The following EXD3 variants were observed in gnomAD, a reference collection of about 807,000 sequenced individuals.
EXD3 encodes exonuclease 3'-5' domain containing 3.
A neutral mutation model predicts 98.0 loss-of-function variants in EXD3; 92 were observed. The ratio of observed to expected loss-of-function variants is 0.94; its 90% CI spans 0.79 to 1.12. The LOEUF (loss-of-function observed/expected upper bound fraction) is 1.12, where lower values mean the gene tolerates loss of function less well. Among genes scored for constraint, EXD3 ranks in the 50% most tolerant of loss-of-function variants. The pLI is 0.00. For missense variants in EXD3, 1,222 were observed against 1,191.6 expected (o/e 1.03, Z -0.38); for synonymous variants, 569 against 526.0 (o/e 1.08, Z -1.12).
intron 1 of EXD3, among the ~76,000 whole-genome samples, chr9:137,416,251 A>T (rs1838223247): frequency 6.6e-6 from 1 of 152,100 alleles, no homozygotes; most frequent in Non-Finnish European, 1.5e-5. Flanking sequence ...CACCAGGGGG[A>T]GGGCACTGCA....
chr9:137,400,722 G>A (rs543719940), intron 1 of EXD3, among the ~76,000 whole-genome samples: 97 of 151,084 alleles, frequency 6.4e-4, no homozygotes, highest in East Asian at 2.3e-3. Context: ...CCGAGATCGC[G>A]CCATTGCACT....
intron 5 of EXD3, 63 bp from the exon 6 acceptor site, chr9:137,368,052 G>A: frequency 1.4e-6 from 2 of 1,400,144 alleles, no homozygotes; most frequent in Non-Finnish European, 2.0e-6. Flanking sequence ...CACGGCGGGT[G>A]AGGGGGCTAC....
chr9:137,408,054 G>A (rs1386364558), intron 1 of EXD3, among the ~76,000 whole-genome samples: 1 of 152,196 alleles, frequency 6.6e-6, no homozygotes, highest in African/African-American at 2.4e-5. Context: ...GGCCTCCAAG[G>A]GTCTCCCTGG....
chr9:137,358,249 G>A (rs1021206970), intron 7 of EXD3, among the ~76,000 whole-genome samples: 10 of 152,192 alleles, frequency 6.6e-5, no homozygotes, highest in African/African-American at 1.9e-4. Flanking sequence ...CTGTGTGCAC[G>A]GCGTGGCCTG....
At chr9:137,415,814 T>C (rs1354849442) in intron 1 of EXD3, among the ~76,000 whole-genome samples, 2 of 152,204 alleles carry the variant, frequency 1.3e-5, no homozygotes, top group Admixed American at 6.5e-5. Context: ...TTAAAAACCA[T>C]GTTTTATAAA....
intron 2 of EXD3, among the ~76,000 whole-genome samples, chr9:137,389,198 G>A (rs1023685539): frequency 6.6e-6 from 1 of 152,186 alleles, no homozygotes; most frequent in African/African-American, 2.4e-5. Context: ...GGCGGGGGAC[G>A]TGATAAGGAC....
intron 1 of EXD3, among the ~76,000 whole-genome samples, chr9:137,411,530 C>T (rs773646745): frequency 1.5e-4 from 23 of 151,948 alleles, no homozygotes; most frequent in Non-Finnish European, 2.6e-4. Context: ...CTCCCTCAAA[C>T]GACCCCTGAA....
chr9:137,325,743 T>C (rs1195136215), intron 17 of EXD3, among the ~76,000 whole-genome samples: 3 of 152,250 alleles, frequency 2.0e-5, no homozygotes, highest in Non-Finnish European at 4.4e-5. Context: ...AAATCGTTAG[T>C]TATCTTTAAG....
intron 3 of EXD3, among the ~76,000 whole-genome samples, chr9:137,377,929 G>C (rs1369446221): frequency 6.6e-6 from 1 of 151,144 alleles, no homozygotes; most frequent in Non-Finnish European, 1.5e-5. Flanking sequence ...AGGTAGCTGG[G>C]ATTACAGGTG....
chr9:137,314,673 C>T lies in EXD3; in HGVS notation c.2185-4973G>A, dbSNP rs1299777530. On this transcript the variant is annotated intron_variant, in intron 19 of 21. Transcript: ENST00000340951. Reference sequence around the variant, plus strand: ...AACCCCAGCCCCTCCCCCACCCAGCCGCTGCCCCGTCCCCTTTGTGTGGCC... The same window carrying T: ...AACCCCAGCCCCTCCCCCACCCAGCTGCTGCCCCGTCCCCTTTGTGTGGCC... Among the ~76,000 whole-genome samples the T allele has an allele frequency of 5.9e-5, 9 of 152,252 alleles. No homozygotes were observed. In the East Asian group the frequency reaches 1.5e-3, roughly 26 times the overall value.
chr9:137,400,045 A>AAAAAAAAAAAAAAAAAAAAAAAAAAAAAG (rs1564209842), intron 1 of EXD3, among the ~76,000 whole-genome samples: 8 of 149,896 alleles, frequency 5.3e-5, no homozygotes, highest in African/African-American at 2.0e-4. Flanking sequence ...AAAAAAAAAA[A>AAAAAAAAAAAAAAAAAAAAAAAAAAAAAG]AAAGAAAATG....
intron 19 of EXD3, among the ~76,000 whole-genome samples, chr9:137,314,487 C>T (rs896155606): frequency 3.3e-5 from 5 of 152,260 alleles, no homozygotes; most frequent in Middle Eastern, 3.4e-3. Context: ...AGTCTATCCC[C>T]GTGGAGCAAG....
At chr9:137,383,452 C>T in intron 2 of EXD3, 75 bp from the exon 3 acceptor site, 2 of 1,173,500 alleles carry the variant, frequency 1.7e-6, no homozygotes, top group Non-Finnish European at 2.4e-6. Context: ...CGGGAAGTCC[C>T]TCCCACTGAC....
intron 17 of EXD3, among the ~76,000 whole-genome samples, chr9:137,346,606 T>C (rs1435067166): frequency 6.6e-6 from 1 of 152,280 alleles, no homozygotes; most frequent in African/African-American, 2.4e-5. Context: ...CAGCTGCATT[T>C]ACCAGCATCC....
intron 2 of EXD3, among the ~76,000 whole-genome samples, chr9:137,389,260 C>T (rs933090201): frequency 2.6e-5 from 4 of 152,144 alleles, no homozygotes; most frequent in African/African-American, 7.2e-5. Flanking sequence ...CCCTCCACCT[C>T]GGCTCGCCGC....
rs549367405 is a variant in EXD3, at chr9:137,320,993, C to T, written c.2184+2732G>A. Among the ~76,000 whole-genome samples the T allele has an allele frequency of 4.6e-5, 7 of 152,328 alleles. No homozygotes were observed. The South Asian group carries it at 1.4e-3, about 32-fold the overall frequency. On this transcript the variant is annotated intron_variant, in intron 19 of 21. Transcript: ENST00000340951. ...GGCTGCAGGAGAGGCCCCTGGAGCA[C>T]ACTTCCTTGCCACCTGAGGCAGAGG...
rs201367071 is a variant in EXD3 at position 137,419,898 on chromosome 9, G to T, written c.-48+3216C>A. Among the ~76,000 whole-genome samples, 31 of 152,272 alleles carry T rather than the reference G, an allele frequency of 2.0e-4. No homozygotes were observed. In the East Asian group the frequency reaches 5.4e-3, roughly 27 times the overall value. Reference sequence around the variant, plus strand: ...AAAGCGGCCGGGCGCGGTGGCTCATGCCTGTAATCCCAGCACTTTGGGAGG... The same window carrying T: ...AAAGCGGCCGGGCGCGGTGGCTCATTCCTGTAATCCCAGCACTTTGGGAGG... On this transcript the variant is annotated intron_variant, in intron 1 of 21. Transcript: ENST00000340951.
intron 17 of EXD3, among the ~76,000 whole-genome samples, chr9:137,344,148 C>T (rs1414370064): frequency 6.6e-6 from 1 of 151,968 alleles, no homozygotes; most frequent in African/African-American, 2.4e-5. Flanking sequence ...ACCTCGGCCT[C>T]TGAAAGTGCT....
chr9:137,409,216 C>T (rs1220691162), intron 1 of EXD3, among the ~76,000 whole-genome samples: 1 of 152,122 alleles, frequency 6.6e-6, no homozygotes, highest in Non-Finnish European at 1.5e-5. Flanking sequence ...GGCCTGAGCC[C>T]GCATGCTGGG....
Sources: gnomAD v4.1 joint callset for allele counts (sites outside exome capture counted in the v4.1 genomes callset) on GRCh38, gnomAD v4.1.1 for gene constraint, MANE v1.5 for transcripts, NCBI Gene and HGNC (gene_info 2026-07-23, HGNC 2026-07-21) for gene names.